Variants in KCNC2 observed in about 807,000 individuals in gnomAD.
KCNC2 encodes potassium voltage-gated channel subfamily C member 2.
Under a neutral mutation model 44.5 loss-of-function variants are expected in KCNC2, and 21 were observed. The ratio of observed to expected loss-of-function variants is 0.47; its 90% CI spans 0.33 to 0.68. KCNC2 has a LOEUF of 0.68. KCNC2 is among the 30% of genes least tolerant of loss of function. KCNC2 has a pLI of 0.01. For missense variants in KCNC2, 589 were observed against 826.2 expected, an observed-to-expected ratio of 0.71 and a Z score of 3.52; for synonymous variants, 391 against 339.1, an observed-to-expected ratio of 1.15 and a Z score of -1.68.
intron 2 of KCNC2, among the ~76,000 whole-genome samples, chr12:75,104,474 A>G (rs1886622512): frequency 1.3e-5 from 2 of 152,242 alleles, no homozygotes; most frequent in East Asian, 1.9e-4. Flanking sequence ...AGGGAGGGCT[A>G]TTGTATAAAG....
chr12:75,076,656 A>G (rs1165058639), intron 2 of KCNC2, among the ~76,000 whole-genome samples: 1 of 152,156 alleles, frequency 6.6e-6, no homozygotes, highest in African/African-American at 2.4e-5. Flanking sequence ...TATTGTCAAT[A>G]AGATGCTTTA....
Position 75,050,467 on chromosome 12 carries a change from A to C in KCNC2, c.1538T>G (p.Leu513Ter). 6.2e-7 allele frequency: 1 copy of C among 1,613,604 alleles called. No homozygotes were observed. Among genetic ancestry groups the C allele is most frequent in the South Asian group, 1.1e-5 (1 of 91,072 alleles). The change falls in exon 3 of 5, where the codon TTA (leucine) becomes TGA (stop). Residue 513 changes from leucine to a stop codon, truncating the protein, a stop_gained. Transcript: ENST00000549446. LOFTEE classifies it high-confidence loss of function. ...ASSPTFCKTE[L>*]NMACNSTQSD... ...CTGTGTACTATTGCAGGCCATATTT[A>C]ATTCTGTCTTGCAAAAAGTAGGTGA...
intron 2 of KCNC2, among the ~76,000 whole-genome samples, chr12:75,143,592 T>C (rs538218990): frequency 2.0e-4 from 31 of 152,306 alleles, no homozygotes; most frequent in African/African-American, 7.0e-4. Context: ...CTGTCCTTGA[T>C]CTTGAGCTCT....
intron 2 of KCNC2, among the ~76,000 whole-genome samples, chr12:75,174,473 T>C (rs536331601): frequency 6.6e-6 from 1 of 152,066 alleles, no homozygotes; most frequent in African/African-American, 2.4e-5. Flanking sequence ...AGCAAATGCC[T>C]ATTTTACCTT....
chr12:75,102,522 T>C (rs145360444), intron 2 of KCNC2, among the ~76,000 whole-genome samples: 1 of 152,112 alleles, frequency 6.6e-6, no homozygotes, highest in Non-Finnish European at 1.5e-5. Flanking sequence ...GCAAATGTTA[T>C]CTGCATATTT....
chr12:75,043,265 A>G (rs1357332103), intron 4 of KCNC2, 24 bp from the exon 5 acceptor site: 3 of 1,611,240 alleles, frequency 1.9e-6, no homozygotes, highest in Admixed American at 1.7e-5. Context: ...ATGCACAGAC[A>G]TCAGTTGAAT....
intron 2 of KCNC2, among the ~76,000 whole-genome samples, chr12:75,060,105 A>G (rs957271912): frequency 6.6e-6 from 1 of 152,144 alleles, no homozygotes; most frequent in South Asian, 2.1e-4. Context: ...GTCAATTTAC[A>G]CTTGCCCAAT....
At chr12:75,170,851 T>C (rs1397922256) in intron 2 of KCNC2, among the ~76,000 whole-genome samples, 1 of 151,786 alleles carries the variant, frequency 6.6e-6, no homozygotes, top group Non-Finnish European at 1.5e-5. Flanking sequence ...TAGCTCAGAA[T>C]CTCACAAGGC....
chr12:75,083,714 T>C (rs531136135), intron 2 of KCNC2, among the ~76,000 whole-genome samples: 2 of 152,032 alleles, frequency 1.3e-5, no homozygotes, highest in South Asian at 4.1e-4. Context: ...AATCAGGAAA[T>C]TGGCAACTCA....
chr12:75,079,641 A>C (rs1338835975), intron 2 of KCNC2, among the ~76,000 whole-genome samples: 1 of 152,126 alleles, frequency 6.6e-6, no homozygotes, highest in African/African-American at 2.4e-5. Context: ...CAGTCTCTAC[A>C]AAAGGCCAGA....
chr12:75,056,245 A>G (rs141513377), intron 2 of KCNC2, among the ~76,000 whole-genome samples: 1,566 of 152,118 alleles, frequency 0.01, 25 homozygotes, highest in African/African-American at 0.036. Flanking sequence ...TCTGCCTTTT[A>G]AAAGTTACTT....
At chr12:75,179,828 A>G (rs565723708) in intron 2 of KCNC2, among the ~76,000 whole-genome samples, 2 of 150,736 alleles carry the variant, frequency 1.3e-5, no homozygotes, top group East Asian at 2.0e-4. Context: ...TATATTAACT[A>G]TTGATTTTTC....
chr12:75,084,579 C>T (rs1419416861), intron 2 of KCNC2, among the ~76,000 whole-genome samples: 3 of 151,884 alleles, frequency 2.0e-5, no homozygotes, highest in Admixed American at 2.0e-4. Context: ...TAAGAAGTGC[C>T]TTTCACCTCC....
At chr12:75,145,954 A>T (rs1431415808) in intron 2 of KCNC2, among the ~76,000 whole-genome samples, 4 of 135,978 alleles carry the variant, frequency 2.9e-5, no homozygotes, top group African/African-American at 2.8e-5. Context: ...AGTCTTACCA[A>T]TTTTTTTTTT....
At chr12:75,062,127 T>A (rs902757706) in intron 2 of KCNC2, among the ~76,000 whole-genome samples, 3 of 152,110 alleles carry the variant, frequency 2.0e-5, no homozygotes, top group African/African-American at 7.2e-5. Context: ...TATTACATAG[T>A]AGATTCTATT....
In KCNC2 at chr12:75,053,928, G is replaced by A. The variant is rs568964747; in HGVS notation, c.688-2611C>T. 2.0e-5 allele frequency among the ~76,000 whole-genome samples: 3 copies of A among 151,590 alleles called. No homozygotes were observed. In the South Asian group the frequency reaches 6.2e-4, roughly 32 times the overall value. ...GAGGTAGATGATTATTTTGCTTTAA[G>A]AACAACCAGAGAGGCCAGGCGCGGT... is the stretch of plus-strand genomic sequence containing the variant. On this transcript the variant is annotated intron_variant, in intron 2 of 4. Transcript: ENST00000549446.
chr12:75,064,553 T>A (rs1376407090), intron 2 of KCNC2, among the ~76,000 whole-genome samples: 2 of 152,006 alleles, frequency 1.3e-5, no homozygotes, highest in Non-Finnish European at 2.9e-5. Context: ...ATCACGTGGA[T>A]TATAGAGAAG....
chr12:75,095,961 T>C (rs1885886022), intron 2 of KCNC2, among the ~76,000 whole-genome samples: 1 of 151,974 alleles, frequency 6.6e-6, no homozygotes, highest in Non-Finnish European at 1.5e-5. Flanking sequence ...AAGATGGCTA[T>C]GGCCAAAGAT....
intron 2 of KCNC2, among the ~76,000 whole-genome samples, chr12:75,149,535 T>C (rs1890246229): frequency 1.3e-5 from 2 of 151,858 alleles, no homozygotes; most frequent in Non-Finnish European, 2.9e-5. Context: ...GAAGCCACAC[T>C]AATGAAAGAA....
Sources: allele counts gnomAD v4.1 joint callset (sites outside exome capture counted in the v4.1 genomes callset), GRCh38; gene constraint gnomAD v4.1.1; transcripts MANE v1.5; gene names NCBI Gene and HGNC (gene_info 2026-07-23, HGNC 2026-07-21).